Variants in IKBKB observed in about 807,000 individuals in gnomAD.
The protein encoded by IKBKB is inhibitor of nuclear factor kappa B kinase subunit beta.
In IKBKB, 42 loss-of-function variants were observed where a neutral mutation model predicts 113.6. The observed-to-expected ratio is 0.37, with a 90% CI of 0.29 to 0.48. The LOEUF is 0.48. Ranked by LOEUF, IKBKB falls within the 20% of genes least tolerant of loss-of-function variation. IKBKB has a pLI of 0.99. For synonymous variants in IKBKB, 296 were observed against 361.3 expected, an observed-to-expected ratio of 0.82 and a Z score of 2.05; for missense variants, 673 against 939.7, an observed-to-expected ratio of 0.72 and a Z score of 3.71.
intron 19 of IKBKB, among the ~76,000 whole-genome samples, chr8:42,322,841 C>T (rs1820020631): frequency 6.6e-6 from 1 of 152,138 alleles, no homozygotes; most frequent in South Asian, 2.1e-4. Context: ...TGCTTGAGCC[C>T]AGGAGTTCAA....
chr8:42,323,293 G>A (rs1272194144), intron 19 of IKBKB, among the ~76,000 whole-genome samples: 2 of 152,218 alleles, frequency 1.3e-5, no homozygotes, highest in East Asian at 1.9e-4. Flanking sequence ...CGTCATGCAC[G>A]GCAGTGCAAC....
intron 5 of IKBKB, among the ~76,000 whole-genome samples, chr8:42,301,794 C>T (rs1196216794): frequency 1.3e-5 from 2 of 152,298 alleles, no homozygotes; most frequent in South Asian, 2.1e-4. Context: ...GCGTAGAGAG[C>T]GGTGCCTTTG....
chr8:42,319,322 G>T lies in IKBKB; in HGVS notation c.1417G>T (p.Ala473Ser). Reference sequence around the variant, plus strand: ...CCTCTCCAAAATGAAGAATTCCATGGCTTCCATGTCTCAGCAGCTCAAGGC... The same window carrying T: ...CCTCTCCAAAATGAAGAATTCCATGTCTTCCATGTCTCAGCAGCTCAAGGC... The part of the protein sequence containing the change: ...SCLSKMKNSM[A>S]SMSQQLKAKL... The change falls in exon 14 of 22, where the codon GCT (alanine) becomes TCT (serine). Residue 473 changes from alanine to serine, a missense_variant. Coordinates refer to ENST00000520810, the MANE Select transcript of IKBKB (RefSeq NM_001556.3). 1 of 1,614,056 alleles carries T rather than the reference G, an allele frequency of 6.2e-7. No individual in the cohort carries two copies. The highest frequency in any genetic ancestry group is 8.5e-7 in the Non-Finnish European group (1 of 1,179,964).
intron 4 of IKBKB, 109 bp downstream of exon 4, chr8:42,290,382 C>A: frequency 2.6e-6 from 2 of 755,416 alleles, no homozygotes; most frequent in Non-Finnish European, 2.3e-6. Flanking sequence ...GCTTGGGGAG[C>A]CCCAGTGACT....
At position 42,332,379 on chromosome 8, in the gene IKBKB, T is replaced by A. The variant is rs1821761557; in HGVS notation, c.*1400T>A. 6.6e-6 allele frequency: 1 copy of A among 152,268 alleles called. No homozygotes were observed. The highest frequency in any genetic ancestry group is 1.5e-5 in the Non-Finnish European group (1 of 68,040). 9.4% of individuals were successfully genotyped at this position (152,268 alleles called of 1,614,324 possible). On this transcript the variant is annotated 3_prime_UTR_variant, in exon 22 of 22. Transcript: ENST00000520810. ...ATTTGGCTATAGAAACATTTTCTCCTGCTGATTGTGTGTGTGAAACATGTA... is the reference window on the plus strand; with the variant it reads ...ATTTGGCTATAGAAACATTTTCTCCAGCTGATTGTGTGTGTGAAACATGTA...
chr8:42,275,487 A>G (rs1435148738), intron 2 of IKBKB, among the ~76,000 whole-genome samples: 2 of 152,090 alleles, frequency 1.3e-5, no homozygotes, highest in Non-Finnish European at 2.9e-5. Flanking sequence ...ACTTTACCCA[A>G]CTGAGATCAG....
In IKBKB at chr8:42,316,369, C is replaced by A; in HGVS notation, c.930+30C>A. 6.2e-7 allele frequency: 1 copy of A among 1,613,312 alleles called. No individual in the cohort carries two copies. The highest frequency in any genetic ancestry group is 8.5e-7 in the Non-Finnish European group (1 of 1,179,512). On this transcript the variant is annotated intron_variant, in intron 10 of 21. Coordinates refer to ENST00000520810, the MANE Select transcript of IKBKB (RefSeq NM_001556.3). The surrounding 1 kb of genome is among the most constrained non-coding windows in gnomAD (Gnocchi z 4.5). The stretch of plus-strand genomic sequence containing the variant: ...GTGTGGAGCCAAGTTAGCCCTGAGG[C>A]AAAAGCTGGGGTCCCCAGTGGAACA...
rs894508964 is a variant in IKBKB at position 42,331,075 on chromosome 8, G to A, written c.*96G>A. The stretch of plus-strand genomic sequence containing the variant: ...CCTGACATGGGGCTGCCTGGAGCAG[G>A]CCGCGTGACGTGGGGCTGCCTGGCC... On this transcript the variant is annotated 3_prime_UTR_variant, in exon 22 of 22. Transcript: ENST00000520810. The A allele has an allele frequency of 5.1e-6, 8 of 1,576,546 alleles. No homozygotes were observed. In the South Asian group the frequency reaches 7.8e-5, roughly 15 times the overall value.
chr8:42,271,519 G>T lies in IKBKB; in HGVS notation c.-19+50G>T, dbSNP rs560568603. ...CCGGGTGCCACCTGCAGGCCCCGCC[G>T]CCCCGCTGCCTGCAAGGCCCGGAAG... On this transcript the variant is annotated intron_variant, in intron 1 of 21. Coordinates refer to ENST00000520810, the MANE Select transcript of IKBKB (RefSeq NM_001556.3). The T allele has an allele frequency of 2.7e-4, 160 of 592,054 alleles. 5 individuals carry two copies. In the South Asian group the frequency reaches 3.1e-3, roughly 12 times the overall value. 36.7% of individuals were successfully genotyped at this position (592,054 alleles called of 1,614,324 possible).
At chr8:42,321,047 G>A (rs182663213) in intron 16 of IKBKB, 9 of 474,122 alleles carry the variant, frequency 1.9e-5, no homozygotes, top group Admixed American at 3.9e-5. Context: ...CTTAAGTCAC[G>A]AAGTTGTAAG....
chr8:42,318,446 A>G, intron 12 of IKBKB, 106 bp from the exon 13 acceptor site: 2 of 1,253,018 alleles, frequency 1.6e-6, no homozygotes, highest in Admixed American at 4.0e-5. Context: ...ATCCTATAGT[A>G]GGTACAAAAC....
chr8:42,326,199 C>T, intron 20 of IKBKB, 102 bp downstream of exon 20: 1 of 1,379,738 alleles, frequency 7.2e-7, no homozygotes, highest in Admixed American at 2.1e-5. Flanking sequence ...GATGGTATTA[C>T]CACCTCTCTG....
chr8:42,308,913 C>G lies in IKBKB; in HGVS notation c.580C>G (p.Leu194Val). Reference protein sequence around the residue: ...GTLQYLAPELLEQQKYTVTVD... With the variant: ...GTLQYLAPELVEQQKYTVTVD... ...CCTGTTGCTGCAGGCCCCAGAGCTA[C>G]TGGAGCAGCAGAAGTACACAGTGAC... The change falls in exon 8 of 22, where the codon CTG becomes GTG. Residue 194 changes from leucine (L) to valine (V), a missense_variant. Coordinates refer to ENST00000520810, the MANE Select transcript of IKBKB (RefSeq NM_001556.3). 6.2e-7 allele frequency: 1 copy of G among 1,614,174 alleles called. No homozygotes were observed. The highest frequency in any genetic ancestry group is 8.5e-7 in the Non-Finnish European group (1 of 1,179,998).
chr8:42,271,541 G>A lies in IKBKB; in HGVS notation c.-19+72G>A, dbSNP rs529368987. 2.7e-3 allele frequency: 1,596 copies of A among 597,128 alleles called. 25 individuals carry two copies. Among genetic ancestry groups the A allele is most frequent in the South Asian group, 0.02 (969 of 49,150 alleles). 37.0% of individuals were successfully genotyped at this position (597,128 alleles called of 1,614,324 possible). A position where few individuals can be genotyped will look rare whatever the true frequency, so the allele number is the denominator to read the frequency against. On this transcript the variant is annotated intron_variant, in intron 1 of 21. Coordinates refer to ENST00000520810, the MANE Select transcript of IKBKB (RefSeq NM_001556.3). ...GCCGCCCCGCTGCCTGCAAGGCCCG[G>A]AAGACCCCTCTGTGCCGCTGGGAAG...
chr8:42,271,364 C>A lies in IKBKB; in HGVS notation c.-124C>A. The A allele has an allele frequency of 2.0e-6, 3 of 1,467,910 alleles. No individual in the cohort carries two copies. Among genetic ancestry groups the A allele is most frequent in the African/African-American group, 1.4e-5 (1 of 71,702 alleles). 90.9% of individuals were successfully genotyped at this position (1,467,910 alleles called of 1,614,324 possible). Reference sequence around the variant, plus strand: ...CGCGCTGCCCGCGTTAAGATTCCCGCATTTTAATGTTTTCAGGGGGGTGTC... The same window carrying A: ...CGCGCTGCCCGCGTTAAGATTCCCGAATTTTAATGTTTTCAGGGGGGTGTC... On this transcript the variant is annotated 5_prime_UTR_variant, in exon 1 of 22. Transcript: ENST00000520810.
chr8:42,307,644 C>T (rs76833033), intron 7 of IKBKB, among the ~76,000 whole-genome samples: 5 of 152,234 alleles, frequency 3.3e-5, no homozygotes, highest in East Asian at 1.9e-4. Context: ...GTGGGTCTCA[C>T]AGAGGGCTGT....
In IKBKB at chr8:42,331,949, T is replaced by G. The variant is rs1051137764; in HGVS notation, c.*970T>G. ...TGTAACATGTCTCAAACACTCATAC[T>G]GGGTTCCACAATCCACTGTTAGAAT... On this transcript the variant is annotated 3_prime_UTR_variant, in exon 22 of 22. Transcript: ENST00000520810. 8 of 161,150 alleles carry G rather than the reference T, an allele frequency of 5.0e-5. No homozygotes were observed. Among genetic ancestry groups the G allele is most frequent in the African/African-American group, 1.9e-4 (8 of 41,526 alleles). The allele number at this position is 161,150 out of a possible 1,614,324, so 10.0% of individuals were successfully genotyped here.
Position 42,317,786 on chromosome 8 carries a change from T to C in IKBKB, c.1240+15T>C, listed in dbSNP as rs1253448116. ...CAGCTGTATCCGTAAGAATTTGTTA[T>C]GTTTTGTTTTTCTAAATAATCCGTT... On this transcript the variant is annotated intron_variant, in intron 12 of 21. Transcript: ENST00000520810. The C allele has an allele frequency of 1.9e-6, 3 of 1,547,084 alleles. No homozygotes were observed. The highest frequency in any genetic ancestry group is 2.7e-5 in the African/African-American group (2 of 73,624).
At chr8:42,321,820 C>G in intron 16 of IKBKB, 76 bp from the exon 17 acceptor site, 1 of 1,068,830 alleles carries the variant, frequency 9.4e-7, no homozygotes, top group Non-Finnish European at 1.4e-6. Flanking sequence ...TGGTGAAACT[C>G]TACCTCTACC....
Sources: gnomAD v4.1 joint callset for allele counts (sites outside exome capture counted in the v4.1 genomes callset) on GRCh38, gnomAD v4.1.1 for gene constraint, Gnocchi (gnomAD v3.1) non-coding constraint, MANE v1.5 for transcripts, NCBI Gene and HGNC (gene_info 2026-07-23, HGNC 2026-07-21) for gene names.